SENP6: variants seen among roughly 807,000 people sequenced by gnomAD.
SENP6 encodes the protein sentrin-specific protease 6.
A neutral mutation model predicts 134.5 loss-of-function variants in SENP6; 41 were observed. The ratio of observed to expected loss-of-function variants is 0.30; its 90% CI spans 0.24 to 0.40. SENP6 has a LOEUF of 0.40. Among genes scored for constraint, SENP6 ranks in the 10% least tolerant of loss-of-function variants. The pLI is 1.00. For synonymous variants in SENP6, 395 were observed against 429.8 expected (o/e 0.92, Z 1.00); for missense variants, 1,248 against 1,312.5 (o/e 0.95, Z 0.76).
At position 75,602,586 on chromosome 6, in the gene SENP6, T is replaced by C. The variant is rs201344205; in HGVS notation, c.52+10T>C. The C allele has an allele frequency of 1.9e-6, 3 of 1,551,110 alleles. No homozygotes were observed. The highest frequency in any genetic ancestry group is 2.6e-6 in the Non-Finnish European group (3 of 1,146,648). ...ATTACTTTTCTGGAAGGTACGTCTG[T>C]TTCTGCCCTTGACGGGGAGAAGGGA... On this transcript the variant is annotated intron_variant, in intron 1 of 23. Transcript: ENST00000447266.
At chr6:75,701,633 C>CTT (rs60715314) in intron 18 of SENP6, among the ~76,000 whole-genome samples, 14,248 of 79,980 alleles carry the variant, frequency 0.18, 405 homozygotes, top group Non-Finnish European at 0.21. Flanking sequence ...ACAGTTTAAT[C>CTT]TTTTTTTTTT....
rs986378029 is a variant in SENP6 at position 75,602,345 on chromosome 6, C to A, written c.-180C>A. ...CCGCCAGCCCGCGGACAGGCCCGGG[C>A]GCGCCTGGCCTGCCTTTGTATAGGC... On this transcript the variant is annotated 5_prime_UTR_variant, in exon 1 of 24. Transcript: ENST00000447266. 4.9e-5 allele frequency: 28 copies of A among 573,564 alleles called. No homozygotes were observed. Among genetic ancestry groups the A allele is most frequent in the African/African-American group, 4.6e-4 (23 of 49,866 alleles). The allele number at this position is 573,564 out of a possible 1,614,324, so 35.5% of individuals were successfully genotyped here.
intron 1 of SENP6, among the ~76,000 whole-genome samples, chr6:75,604,791 G>T (rs759102812): frequency 4.6e-5 from 7 of 151,980 alleles, no homozygotes; most frequent in Non-Finnish European, 8.8e-5. Flanking sequence ...AAAATATTCC[G>T]GCCAGGCGTG....
At chr6:75,615,221 C>T (rs538963676) in intron 1 of SENP6, among the ~76,000 whole-genome samples, 23 of 151,762 alleles carry the variant, frequency 1.5e-4, no homozygotes, top group African/African-American at 4.4e-4. Flanking sequence ...TGCTGTGTCG[C>T]GCAGGCTGAA....
intron 2 of SENP6, among the ~76,000 whole-genome samples, chr6:75,622,451 C>G (rs541476389): frequency 2.2e-4 from 34 of 152,108 alleles, no homozygotes; most frequent in Non-Finnish European, 4.7e-4. Context: ...CCCAGCTACT[C>G]AGGAGGCTGA....
At chr6:75,690,991 AC>A (rs1213024144) in intron 16 of SENP6, among the ~76,000 whole-genome samples, 1 of 147,752 alleles carries the variant, frequency 6.8e-6, no homozygotes, top group East Asian at 2.0e-4. Flanking sequence ...GGCATGAGCC[AC>A]TGTGCTCAGC....
At chr6:75,639,210 G>A (rs956529797) in intron 5 of SENP6, among the ~76,000 whole-genome samples, 1 of 152,056 alleles carries the variant, frequency 6.6e-6, no homozygotes. Context: ...CATAGGATAG[G>A]ACAGACTAGA....
In SENP6 at chr6:75,602,520, G is replaced by T; in HGVS notation, c.-5G>T. Reference sequence around the variant, plus strand: ...TTAAGAAGGAGGCGGCGTGGGAGGAGGAAGATGGCGGCCGGCAAGAGCGGC... The same window carrying T: ...TTAAGAAGGAGGCGGCGTGGGAGGATGAAGATGGCGGCCGGCAAGAGCGGC... On this transcript the variant is annotated 5_prime_UTR_variant, in exon 1 of 24. In the 5' UTR this introduces an upstream ATG that the reference lacks. Transcript: ENST00000447266. 6.4e-7 allele frequency: 1 copy of T among 1,551,460 alleles called. No individual in the cohort carries two copies.
At chr6:75,625,111 C>CCTT (rs1554160196) in intron 3 of SENP6, among the ~76,000 whole-genome samples, 1 of 66,554 alleles carries the variant, frequency 1.5e-5, no homozygotes, top group Non-Finnish European at 3.2e-5. Flanking sequence ...GTGTGTGTGT[C>CCTT]CTTTTTTTTT....
At chr6:75,686,239 A>G (rs1299946696) in intron 16 of SENP6, among the ~76,000 whole-genome samples, 1 of 150,758 alleles carries the variant, frequency 6.6e-6, no homozygotes, top group Non-Finnish European at 1.5e-5. Flanking sequence ...TTTGTTTTCC[A>G]TTTGCTTGGT....
At chr6:75,635,585 G>C (rs1169529380) in intron 5 of SENP6, among the ~76,000 whole-genome samples, 1 of 152,056 alleles carries the variant, frequency 6.6e-6, no homozygotes, top group East Asian at 1.9e-4. Flanking sequence ...ACTTAAAAAT[G>C]TTAAGTAACC....
intron 7 of SENP6, among the ~76,000 whole-genome samples, chr6:75,658,593 TGA>T (rs1371086929): frequency 1.3e-5 from 2 of 152,090 alleles, no homozygotes; most frequent in African/African-American, 4.8e-5. Flanking sequence ...ATATTTGTAA[TGA>T]AAATTATTAA....
intron 7 of SENP6, among the ~76,000 whole-genome samples, chr6:75,658,087 C>T (rs1416543535): frequency 6.6e-6 from 1 of 152,084 alleles, no homozygotes; most frequent in Non-Finnish European, 1.5e-5. Context: ...AAGAGTTAAG[C>T]GTCAGAAATG....
intron 18 of SENP6, among the ~76,000 whole-genome samples, chr6:75,700,952 T>C (rs1774983757): frequency 6.6e-6 from 1 of 152,134 alleles, no homozygotes; most frequent in African/African-American, 2.4e-5. Context: ...GGAATAATAA[T>C]GAAGAACAGG....
intron 1 of SENP6, among the ~76,000 whole-genome samples, chr6:75,609,645 A>G (rs6929553): frequency 2.4e-4 from 37 of 152,352 alleles, no homozygotes; most frequent in African/African-American, 8.7e-4. Flanking sequence ...TTCTTATGAA[A>G]CCCAAAATCC....
chr6:75,675,815 T>C, intron 12 of SENP6, 45 bp from the exon 13 acceptor site: 1 of 1,497,076 alleles, frequency 6.7e-7, no homozygotes. Context: ...TTCATGATAT[T>C]ACCCTCTTAA....
chr6:75,712,120 G>A (rs1257304653), intron 21 of SENP6, among the ~76,000 whole-genome samples: 3 of 152,148 alleles, frequency 2.0e-5, no homozygotes, highest in Non-Finnish European at 2.9e-5. Flanking sequence ...CAAGGCAGAC[G>A]TAAGAGACAT....
chr6:75,603,908 G>A (rs1286577881), intron 1 of SENP6, among the ~76,000 whole-genome samples: 2 of 152,208 alleles, frequency 1.3e-5, no homozygotes, highest in Non-Finnish European at 2.9e-5. Context: ...AAGCTTCTGA[G>A]TTTTTCTGGG....
chr6:75,619,443 C>CTG (rs1247378803), intron 1 of SENP6, among the ~76,000 whole-genome samples: 4 of 72,792 alleles, frequency 5.5e-5, no homozygotes, highest in Middle Eastern at 6.8e-3. Flanking sequence ...TCCGTTGTGT[C>CTG]TATGTGTGTG....
Sources: allele counts gnomAD v4.1 joint callset (sites outside exome capture counted in the v4.1 genomes callset), GRCh38; gene constraint gnomAD v4.1.1; transcripts MANE v1.5; gene names NCBI Gene and HGNC (gene_info 2026-07-23, HGNC 2026-07-21).